The following QKI variants were observed in gnomAD, a reference collection of about 807,000 sequenced individuals.
QKI encodes KH domain-containing RNA-binding protein QKI.
In QKI, 10 loss-of-function variants were observed where a neutral mutation model predicts 39.0. The observed-to-expected ratio is 0.26, with a 90% CI of 0.16 to 0.43. The LOEUF (loss-of-function observed/expected upper bound fraction) is 0.43, where lower values mean the gene tolerates loss of function less well. Ranked by LOEUF, QKI falls within the 20% of genes least tolerant of loss-of-function variation. QKI has a pLI of 1.00. For synonymous variants in QKI, 204 were observed against 155.4 expected, an observed-to-expected ratio of 1.31 and a Z score of -2.33; for missense variants, 218 against 428.0, an observed-to-expected ratio of 0.51 and a Z score of 4.33.
chr6:163,492,351 ACT>A (rs2128228700), intron 3 of QKI, among the ~76,000 whole-genome samples: 1 of 152,192 alleles, frequency 6.6e-6, no homozygotes, highest in East Asian at 1.9e-4. Flanking sequence ...GTAATTGTTA[ACT>A]CTCGATTTTA....
At chr6:163,420,776 A>G (rs886191941) in intron 1 of QKI, among the ~76,000 whole-genome samples, 3 of 152,226 alleles carry the variant, frequency 2.0e-5, no homozygotes, top group Admixed American at 6.5e-5. Flanking sequence ...ACTTAACAGA[A>G]AATCACAACT....
intron 3 of QKI, among the ~76,000 whole-genome samples, chr6:163,479,286 C>T (rs191494300): frequency 6.6e-5 from 10 of 152,210 alleles, no homozygotes; most frequent in East Asian, 5.8e-4. Context: ...GTCTCAAAAA[C>T]GAACAAACAA....
At chr6:163,525,820 G>A (rs1780479796) in intron 3 of QKI, among the ~76,000 whole-genome samples, 1 of 152,188 alleles carries the variant, frequency 6.6e-6, no homozygotes, top group African/African-American at 2.4e-5. Context: ...AGTACATTGA[G>A]TCAGGTTTCT....
intron 3 of QKI, among the ~76,000 whole-genome samples, chr6:163,534,014 C>T (rs925175189): frequency 6.6e-6 from 1 of 152,156 alleles, no homozygotes; most frequent in African/African-American, 2.4e-5. Flanking sequence ...GGTCCAAAAA[C>T]AGCAGATATT....
intron 2 of QKI, among the ~76,000 whole-genome samples, chr6:163,469,882 A>G (rs953854460): frequency 2.0e-5 from 3 of 152,168 alleles, no homozygotes; most frequent in African/African-American, 7.2e-5. Flanking sequence ...TCATTTCAAC[A>G]TTGTTACACC....
In QKI at chr6:163,443,075, A is replaced by C. The variant is rs1415702845; in HGVS notation, c.143-12204A>C. ...TTGTGAAGTAAACCAACTGTGGTTT[A>C]ATTAAAGGAGATCATATTGCTTACC... On this transcript the variant is annotated intron_variant, in intron 1 of 7. Coordinates refer to ENST00000361752, the MANE Select transcript of QKI (RefSeq NM_006775.3). 2.0e-5 allele frequency among the ~76,000 whole-genome samples: 3 copies of C among 152,362 alleles called. No individual in the cohort carries two copies. In the East Asian group the frequency reaches 5.8e-4, roughly 29 times the overall value.
intron 3 of QKI, among the ~76,000 whole-genome samples, chr6:163,508,338 G>A (rs1779223610): frequency 6.6e-6 from 1 of 152,176 alleles, no homozygotes; most frequent in Non-Finnish European, 1.5e-5. Flanking sequence ...AGTTACATCA[G>A]AGGGTAAAAC....
In QKI at chr6:163,575,210, C is replaced by T. The variant is rs1409461406; in HGVS notation, c.*4500C>T. 6.6e-6 allele frequency: 1 copy of T among 152,178 alleles called. No individual in the cohort carries two copies. The highest frequency in any genetic ancestry group is 1.5e-5 in the Non-Finnish European group (1 of 68,042). The allele number at this position is 152,178 out of a possible 1,614,324, so 9.4% of individuals were successfully genotyped here. A position where few individuals can be genotyped will look rare whatever the true frequency, so the allele number is the denominator to read the frequency against. On this transcript the variant is annotated 3_prime_UTR_variant, in exon 8 of 8. Transcript: ENST00000361752. ...GTCAAGCTGCTAATATACAAGTTGT[C>T]ATGGTACCATGTAACTTAAATTGAT...
At chr6:163,433,441 CAG>C (rs1209255483) in intron 1 of QKI, among the ~76,000 whole-genome samples, 1 of 152,090 alleles carries the variant, frequency 6.6e-6, no homozygotes, top group Non-Finnish European at 1.5e-5. Context: ...TATATCCTAA[CAG>C]TATAAATATG....
intron 4 of QKI, among the ~76,000 whole-genome samples, chr6:163,547,045 T>A (rs1781926301): frequency 6.6e-6 from 1 of 152,160 alleles, no homozygotes; most frequent in Non-Finnish European, 1.5e-5. Context: ...TTTAGTAACC[T>A]TCTTTGTAGA....
chr6:163,456,686 G>C (rs1333443741), intron 2 of QKI, among the ~76,000 whole-genome samples: 1 of 151,938 alleles, frequency 6.6e-6, no homozygotes, highest in East Asian at 1.9e-4. Flanking sequence ...TGGTTTTATA[G>C]GTATTTTTGG....
In QKI at chr6:163,436,681, G is replaced by C. The variant is rs536307154; in HGVS notation, c.143-18598G>C. Among the ~76,000 whole-genome samples, 15 of 150,966 alleles carry C rather than the reference G, an allele frequency of 9.9e-5. No homozygotes were observed. In the East Asian group the frequency reaches 3.0e-3, roughly 30 times the overall value. On this transcript the variant is annotated intron_variant, in intron 1 of 7. Coordinates refer to ENST00000361752, the MANE Select transcript of QKI (RefSeq NM_006775.3). ...CTACAAAAATTAGCTGGGCGTGGTG[G>C]TGTGTGCCTGTAGCAGGAGAATCTT...
At chr6:163,429,458 T>G (rs1010751955) in intron 1 of QKI, among the ~76,000 whole-genome samples, 9 of 152,288 alleles carry the variant, frequency 5.9e-5, no homozygotes, top group African/African-American at 2.2e-4. Flanking sequence ...AAATATAATG[T>G]TTATAGTAAT....
chr6:163,520,398 TTAGC>T, intron 3 of QKI, among the ~76,000 whole-genome samples: 1 of 152,288 alleles, frequency 6.6e-6, no homozygotes, highest in Non-Finnish European at 1.5e-5. Context: ...AGTCTAGGTT[TTAGC>T]TAGCAAGAAG....
At chr6:163,435,152 A>G (rs1789156624) in intron 1 of QKI, among the ~76,000 whole-genome samples, 1 of 152,240 alleles carries the variant, frequency 6.6e-6, no homozygotes, top group Admixed American at 6.5e-5. Context: ...AAAAACATAA[A>G]GCATGACATT....
chr6:163,467,421 C>T (rs1791848915), intron 2 of QKI, among the ~76,000 whole-genome samples: 1 of 152,092 alleles, frequency 6.6e-6, no homozygotes, highest in Non-Finnish European at 1.5e-5. Flanking sequence ...AGGATAAATC[C>T]CAAAGGACAA....
At chr6:163,490,082 A>T (rs1387595501) in intron 3 of QKI, among the ~76,000 whole-genome samples, 1 of 152,186 alleles carries the variant, frequency 6.6e-6, no homozygotes, top group Admixed American at 6.6e-5. Context: ...AACTTTCATG[A>T]ATCCAATTGA....
intron 4 of QKI, among the ~76,000 whole-genome samples, chr6:163,556,614 T>G (rs1782643321): frequency 6.6e-6 from 1 of 152,028 alleles, no homozygotes; most frequent in Non-Finnish European, 1.5e-5. Flanking sequence ...TACCCATAAT[T>G]GGTCATCCTT....
chr6:163,465,895 G>A (rs940825079), intron 2 of QKI, among the ~76,000 whole-genome samples: 11 of 151,880 alleles, frequency 7.2e-5, no homozygotes, highest in East Asian at 1.9e-4. Context: ...AGGCCGAAGC[G>A]GGCGGATCAC....
Sources: allele counts gnomAD v4.1 joint callset (sites outside exome capture counted in the v4.1 genomes callset), GRCh38; gene constraint gnomAD v4.1.1; transcripts MANE v1.5; gene names NCBI Gene and HGNC (gene_info 2026-07-23, HGNC 2026-07-21).